The following YWHAB variants were observed in gnomAD, a reference collection of about 807,000 sequenced individuals.
YWHAB encodes 14-3-3 protein beta/alpha.
In YWHAB, 2 loss-of-function variants were observed where a neutral mutation model predicts 28.5. That is an observed-to-expected ratio of 0.07 (90% confidence interval 0.03 to 0.22). YWHAB has a LOEUF of 0.22. YWHAB is among the 10% of genes least tolerant of loss of function. The pLI is 1.00. For missense variants in YWHAB, 148 were observed against 297.1 expected, an observed-to-expected ratio of 0.50 and a Z score of 3.69; for synonymous variants, 103 against 104.7, an observed-to-expected ratio of 0.98 and a Z score of 0.10.
chr20:44,897,457 TGAAAGTTG>T (rs2066602572), intron 1 of YWHAB, among the ~76,000 whole-genome samples: 1 of 152,192 alleles, frequency 6.6e-6, no homozygotes, highest in African/African-American at 2.4e-5. Flanking sequence ...GTTGGGTCAT[TGAAAGTTG>T]GCTTCTTTCT....
chr20:44,889,186 A>G (rs980753907), intron 1 of YWHAB, among the ~76,000 whole-genome samples: 6 of 152,314 alleles, frequency 3.9e-5, no homozygotes, highest in Admixed American at 2.6e-4. Flanking sequence ...TTTGATCTCT[A>G]TGTGAATATG....
chr20:44,895,951 G>C (rs768174567), intron 1 of YWHAB, among the ~76,000 whole-genome samples: 1 of 152,202 alleles, frequency 6.6e-6, no homozygotes, highest in African/African-American at 2.4e-5. Flanking sequence ...TCATTCAGCA[G>C]ATATTTGTTC....
rs2066656715 is a variant in YWHAB at position 44,906,481 on chromosome 20, C to T, written c.*43C>T. 1 of 1,384,822 alleles carries T rather than the reference C, an allele frequency of 7.2e-7. No individual in the cohort carries two copies. Among genetic ancestry groups the T allele is most frequent in the Non-Finnish European group, 1.0e-6 (1 of 984,520 alleles). The allele number at this position is 1,384,822 out of a possible 1,614,324, so 85.8% of individuals were successfully genotyped here. On this transcript the variant is annotated 3_prime_UTR_variant, in exon 6 of 6. Transcript: ENST00000353703. ...GATCTGTTCAGTGTCACTCTGTACC[C>T]TCAACATATATCCCTTGTGCGATAA...
At chr20:44,894,083 A>T (rs1452301818) in intron 1 of YWHAB, among the ~76,000 whole-genome samples, 1 of 152,218 alleles carries the variant, frequency 6.6e-6, no homozygotes, top group East Asian at 1.9e-4. Flanking sequence ...TGCGTTTATC[A>T]ACAAATGCTT....
chr20:44,886,767 C>A (rs1416482636), intron 1 of YWHAB: 1 of 152,182 alleles, frequency 6.6e-6, no homozygotes, highest in Non-Finnish European at 1.5e-5. Flanking sequence ...GGAGAACTCC[C>A]ATATAATGGG....
chr20:44,890,964 A>G (rs1446564558), intron 1 of YWHAB, among the ~76,000 whole-genome samples: 2 of 152,174 alleles, frequency 1.3e-5, no homozygotes, highest in African/African-American at 4.8e-5. Context: ...TACGTGTAAA[A>G]TAAATGAGGT....
At chr20:44,890,630 C>T (rs1188310903) in intron 1 of YWHAB, among the ~76,000 whole-genome samples, 1 of 151,540 alleles carries the variant, frequency 6.6e-6, no homozygotes, top group Non-Finnish European at 1.5e-5. Context: ...CCTGCCTCAG[C>T]CTCCTGAGTA....
intron 1 of YWHAB, among the ~76,000 whole-genome samples, chr20:44,896,614 C>G (rs2066597364): frequency 6.6e-6 from 1 of 152,168 alleles, no homozygotes; most frequent in Admixed American, 6.5e-5. Context: ...CGGGAAGTGA[C>G]TTGAGCAGAG....
intron 3 of YWHAB, 55 bp from the exon 4 acceptor site, chr20:44,904,913 T>G (rs1215344456): frequency 6.7e-7 from 1 of 1,499,030 alleles, no homozygotes; most frequent in Non-Finnish European, 8.9e-7. Flanking sequence ...GTTGGTCCAA[T>G]GTGTGATACC....
chr20:44,893,954 C>T (rs1022689301), intron 1 of YWHAB, among the ~76,000 whole-genome samples: 1 of 152,156 alleles, frequency 6.6e-6, no homozygotes, highest in Non-Finnish European at 1.5e-5. Context: ...GCCTTGGCCT[C>T]CCAAAGTGCT....
At chr20:44,889,991 A>G (rs2066551018) in intron 1 of YWHAB, among the ~76,000 whole-genome samples, 2 of 152,216 alleles carry the variant, frequency 1.3e-5, no homozygotes, top group South Asian at 2.1e-4. Context: ...CTTTGCATTT[A>G]TAAAACGGGA....
intron 1 of YWHAB, among the ~76,000 whole-genome samples, chr20:44,889,997 C>T (rs375465684): frequency 2.0e-5 from 3 of 152,164 alleles, no homozygotes; most frequent in African/African-American, 4.8e-5. Flanking sequence ...ATTTATAAAA[C>T]GGGACAATGT....
At position 44,898,680 on chromosome 20, in the gene YWHAB, G is replaced by GT. The variant is rs374233480; in HGVS notation, c.-3-2844dup. 5.5e-3 allele frequency among the ~76,000 whole-genome samples: 838 copies of GT among 151,878 alleles called. 5 individuals are homozygous for GT. Among genetic ancestry groups the GT allele is most frequent in the African/African-American group, 0.019 (788 of 41,472 alleles). ...GTGCACTGTGCCCAGCTAATTTTTT[G>GT]TTTTTTTAGTAGAGACGGGGTTTCA... On this transcript the variant is annotated intron_variant, in intron 1 of 5. Transcript: ENST00000353703.
chr20:44,894,266 A>G (rs1005047514), intron 1 of YWHAB, among the ~76,000 whole-genome samples: 1 of 152,160 alleles, frequency 6.6e-6, no homozygotes, highest in Non-Finnish European at 1.5e-5. Flanking sequence ...GTGGCCTCTA[A>G]TGAGTTTGCC....
At chr20:44,889,298 G>T (rs191713074) in intron 1 of YWHAB, among the ~76,000 whole-genome samples, 47 of 152,266 alleles carry the variant, frequency 3.1e-4, no homozygotes, top group African/African-American at 1.0e-3. Context: ...CAGACTAAAA[G>T]TGCTTTCTGT....
rs771609230 is a variant in YWHAB, at chr20:44,908,326, G to A, written c.*1888G>A. ...TTTTCTTACCAGTATTCTGCCTAACGTTTGCTTCTGTGATGGTTATATTGC... is the reference window on the plus strand; with the variant it reads ...TTTTCTTACCAGTATTCTGCCTAACATTTGCTTCTGTGATGGTTATATTGC... On this transcript the variant is annotated 3_prime_UTR_variant, in exon 6 of 6. Coordinates refer to ENST00000353703, the MANE Select transcript of YWHAB (RefSeq NM_139323.4). 6.6e-6 allele frequency: 1 copy of A among 152,458 alleles called. No homozygotes were observed. The highest frequency in any genetic ancestry group is 1.5e-5 in the Non-Finnish European group (1 of 68,012). The allele number at this position is 152,458 out of a possible 1,614,324, so 9.4% of individuals were successfully genotyped here.
intron 1 of YWHAB, among the ~76,000 whole-genome samples, chr20:44,889,898 G>C (rs1277820426): frequency 6.6e-6 from 1 of 152,110 alleles, no homozygotes; most frequent in African/African-American, 2.4e-5. Context: ...TTACATAAAG[G>C]AAAGAGCATT....
chr20:44,896,186 AT>A (rs1217012293), intron 1 of YWHAB, among the ~76,000 whole-genome samples: 1 of 152,248 alleles, frequency 6.6e-6, no homozygotes, highest in Non-Finnish European at 1.5e-5. Flanking sequence ...TGGTAGCTGC[AT>A]TTAAAAATTT....
At position 44,907,472 on chromosome 20, in the gene YWHAB, A is replaced by T. The variant is rs2066665051; in HGVS notation, c.*1034A>T. The T allele has an allele frequency of 6.6e-6, 1 of 152,208 alleles. No homozygotes were observed. The highest frequency in any genetic ancestry group is 2.4e-5 in the African/African-American group (1 of 41,434). The allele number at this position is 152,208 out of a possible 1,614,324, so 9.4% of individuals were successfully genotyped here. On this transcript the variant is annotated 3_prime_UTR_variant, in exon 6 of 6. Transcript: ENST00000353703. ...TCTCCAAAAAAGAAAACAAAAAACA[A>T]AAAAAGGAATGATGTTCTGTAGAGA... is the stretch of plus-strand genomic sequence containing the variant.
Sources: gnomAD v4.1 joint callset for allele counts (sites outside exome capture counted in the v4.1 genomes callset) on GRCh38, gnomAD v4.1.1 for gene constraint, MANE v1.5 for transcripts, NCBI Gene and HGNC (gene_info 2026-07-23, HGNC 2026-07-21) for gene names.